The following RIT2 variants were observed in gnomAD, a reference collection of about 807,000 sequenced individuals.
The protein encoded by RIT2 is Ras like without CAAX 2.
Under a neutral mutation model 23.7 loss-of-function variants are expected in RIT2, and 24 were observed. The ratio of observed to expected loss-of-function variants is 1.01; its 90% CI spans 0.73 to 1.43. RIT2 has a LOEUF of 1.43. RIT2 is among the 40% of genes most tolerant of loss of function. The pLI, the probability that RIT2 is intolerant of heterozygous loss-of-function variation, is 0.00. For missense variants in RIT2, 236 were observed against 266.9 expected, an observed-to-expected ratio of 0.88 and a Z score of 0.81; for synonymous variants, 107 against 91.1, an observed-to-expected ratio of 1.17 and a Z score of -0.99.
chr18:43,009,261 A>C (rs1911297190), intron 2 of RIT2, among the ~76,000 whole-genome samples: 1 of 151,684 alleles, frequency 6.6e-6, no homozygotes. Context: ...ATTTAAATGT[A>C]ATGTTGTTGT....
intron 3 of RIT2, among the ~76,000 whole-genome samples, chr18:42,965,629 T>C (rs184666465): frequency 1.3e-5 from 2 of 150,126 alleles, no homozygotes; most frequent in African/African-American, 4.9e-5. Flanking sequence ...AAGAAAAAAC[T>C]TTTTGTGCAA....
chr18:43,057,053 C>CG (rs1245352974), intron 1 of RIT2, among the ~76,000 whole-genome samples: 11 of 80,458 alleles, frequency 1.4e-4, no homozygotes, highest in Non-Finnish European at 2.6e-4. Context: ...ATTAGTCGGG[C>CG]GGGGGGTGGG....
At chr18:42,770,109 G>T (rs952682274) in intron 4 of RIT2, among the ~76,000 whole-genome samples, 1 of 152,000 alleles carries the variant, frequency 6.6e-6, no homozygotes, top group Non-Finnish European at 1.5e-5. Context: ...TCAAGAATTG[G>T]TGTTTGGGGC....
intron 3 of RIT2, among the ~76,000 whole-genome samples, chr18:42,970,674 T>C (rs1049622129): frequency 1.3e-5 from 2 of 152,008 alleles, no homozygotes; most frequent in Admixed American, 6.6e-5. Flanking sequence ...CTTTATGGTA[T>C]GGTAATGGTT....
intron 4 of RIT2, among the ~76,000 whole-genome samples, chr18:42,896,163 C>T (rs1432129752): frequency 2.0e-5 from 3 of 152,150 alleles, no homozygotes; most frequent in Non-Finnish European, 4.4e-5. Flanking sequence ...ACTGGGGAGG[C>T]TGAGGCAAGA....
intron 1 of RIT2, among the ~76,000 whole-genome samples, chr18:43,049,361 T>C (rs1912323565): frequency 6.6e-6 from 1 of 152,180 alleles, no homozygotes; most frequent in South Asian, 2.1e-4. Flanking sequence ...CAATGACAGC[T>C]CTAGCTCAAT....
intron 2 of RIT2, among the ~76,000 whole-genome samples, chr18:43,009,343 G>A (rs1390459136): frequency 6.6e-6 from 1 of 151,626 alleles, no homozygotes; most frequent in Non-Finnish European, 1.5e-5. Flanking sequence ...AGAAGGGATG[G>A]ATCATTTAAA....
chr18:42,951,645 A>G (rs1388014666), intron 3 of RIT2, among the ~76,000 whole-genome samples: 2 of 152,096 alleles, frequency 1.3e-5, no homozygotes, highest in Non-Finnish European at 2.9e-5. Flanking sequence ...TCCACTTCTG[A>G]GTATTCAACC....
intron 4 of RIT2, among the ~76,000 whole-genome samples, chr18:42,766,032 A>G (rs942038746): frequency 2.6e-5 from 4 of 152,194 alleles, no homozygotes; most frequent in Non-Finnish European, 5.9e-5. Context: ...TGTAAGTCCA[A>G]TTAAACCTCC....
intron 1 of RIT2, among the ~76,000 whole-genome samples, chr18:43,039,882 T>A (rs963120889): frequency 2.6e-5 from 4 of 152,120 alleles, no homozygotes; most frequent in African/African-American, 9.7e-5. Flanking sequence ...ATGCTGAAAA[T>A]GAGTAATTAA....
At chr18:43,085,245 G>A (rs1479113678) in intron 1 of RIT2, among the ~76,000 whole-genome samples, 2 of 151,932 alleles carry the variant, frequency 1.3e-5, no homozygotes, top group Non-Finnish European at 2.9e-5. Flanking sequence ...GTATATCTTT[G>A]TGGGGTACAA....
chr18:42,872,904 A>T (rs189504607), intron 4 of RIT2, among the ~76,000 whole-genome samples: 1 of 152,162 alleles, frequency 6.6e-6, no homozygotes. Flanking sequence ...TTGGAACATC[A>T]CACAATCCAA....
chr18:43,107,438 T>C (rs1913849856), intron 1 of RIT2, among the ~76,000 whole-genome samples: 1 of 152,158 alleles, frequency 6.6e-6, no homozygotes, highest in Non-Finnish European at 1.5e-5. Context: ...CGTGCACGCA[T>C]ACACACACAA....
chr18:42,915,149 TATACAC>T (rs1908872649), intron 4 of RIT2, among the ~76,000 whole-genome samples: 1 of 81,930 alleles, frequency 1.2e-5, no homozygotes, highest in Non-Finnish European at 2.7e-5. Flanking sequence ...TACATATAAT[TATACAC>T]ACACACACAC....
chr18:42,785,764 G>T (rs946434234), intron 4 of RIT2, among the ~76,000 whole-genome samples: 8 of 152,116 alleles, frequency 5.3e-5, no homozygotes, highest in South Asian at 4.1e-4. Context: ...GAGATGGCAG[G>T]CAACACACAG....
intron 4 of RIT2, among the ~76,000 whole-genome samples, chr18:42,906,343 A>C (rs1326408638): frequency 6.6e-6 from 1 of 152,162 alleles, no homozygotes; most frequent in Non-Finnish European, 1.5e-5. Flanking sequence ...ACAGACATAC[A>C]TAATACTGAA....
chr18:42,866,075 A>G (rs1907461559), intron 4 of RIT2, among the ~76,000 whole-genome samples: 1 of 152,160 alleles, frequency 6.6e-6, no homozygotes, highest in Admixed American at 6.5e-5. Context: ...AAGCCATCTC[A>G]CAATACAGTC....
intron 4 of RIT2, among the ~76,000 whole-genome samples, chr18:42,765,462 A>G (rs1256459067): frequency 2.0e-5 from 3 of 152,306 alleles, no homozygotes; most frequent in African/African-American, 7.2e-5. Context: ...CTGGAAAGTT[A>G]CAAGTGAGAT....
At chr18:42,865,395 C>A (rs1270885445) in intron 4 of RIT2, among the ~76,000 whole-genome samples, 1 of 152,158 alleles carries the variant, frequency 6.6e-6, no homozygotes, top group Non-Finnish European at 1.5e-5. Context: ...GACCAAATTT[C>A]TCCTGTGGCC....
Sources: gnomAD v4.1 joint callset for allele counts (sites outside exome capture counted in the v4.1 genomes callset) on GRCh38, gnomAD v4.1.1 for gene constraint, MANE v1.5 for transcripts, NCBI Gene and HGNC (gene_info 2026-07-23, HGNC 2026-07-21) for gene names.